The following SOX5 variants were observed in gnomAD, a reference collection of about 807,000 sequenced individuals.
The protein encoded by SOX5 is transcription factor SOX-5.
SOX5 carries 9 observed loss-of-function variants against 92.0 expected under a neutral mutation model. That is an observed-to-expected ratio of 0.10 (90% CI 0.06 to 0.17). The LOEUF (loss-of-function observed/expected upper bound fraction) is 0.17, where lower values mean the gene tolerates loss of function less well. Among genes scored for constraint, SOX5 ranks in the 10% least tolerant of loss-of-function variants. The pLI is 1.00. For synonymous variants in SOX5, 344 were observed against 336.3 expected (o/e 1.02, Z -0.25); for missense variants, 642 against 944.5 (o/e 0.68, Z 4.20).
chr12:23,990,620 ATCTCATC>A (rs1349141793), intron 4 of SOX5, among the ~76,000 whole-genome samples: 21 of 152,212 alleles, frequency 1.4e-4, no homozygotes, highest in Admixed American at 1.2e-3. Flanking sequence ...AAGAACCATC[ATCTCATC>A]ACTTCTAATT....
intron 10 of SOX5, among the ~76,000 whole-genome samples, chr12:23,564,925 C>A (rs1946811719): frequency 2.0e-5 from 3 of 152,166 alleles, no homozygotes; most frequent in Admixed American, 2.0e-4. Context: ...TGATGTAGTA[C>A]TTCAGTGCTG....
intron 3 of SOX5, among the ~76,000 whole-genome samples, chr12:24,250,461 A>G (rs1939799191): frequency 6.6e-6 from 1 of 152,220 alleles, no homozygotes; most frequent in African/African-American, 2.4e-5. Context: ...TTCCATTAAT[A>G]CCAGCAGGAG....
intron 4 of SOX5, among the ~76,000 whole-genome samples, chr12:24,036,565 G>A (rs534791642): frequency 1.3e-5 from 2 of 152,184 alleles, no homozygotes; most frequent in South Asian, 4.1e-4. Flanking sequence ...AGCTGTGTAC[G>A]AATTCAATAC....
chr12:24,412,109 A>C (rs1331041941), intron 1 of SOX5, among the ~76,000 whole-genome samples: 1 of 152,160 alleles, frequency 6.6e-6, no homozygotes, highest in African/African-American at 2.4e-5. Context: ...CAGAGTCTGC[A>C]GTGATACATC....
chr12:23,627,593 A>G (rs1221929240), intron 8 of SOX5, among the ~76,000 whole-genome samples: 1 of 152,118 alleles, frequency 6.6e-6, no homozygotes, highest in African/African-American at 2.4e-5. Context: ...CGTGTGTGCC[A>G]TGTCATTTAA....
intron 1 of SOX5, among the ~76,000 whole-genome samples, chr12:24,464,415 AGGGTTCACGCCGCCTCCC>A (rs749860767): frequency 5.3e-5 from 8 of 150,810 alleles, no homozygotes; most frequent in East Asian, 2.0e-4. Context: ...CTCCGCCTCC[AGGGTTCACGCCGCCTCCC>A]GGGTTCACGC....
intron 7 of SOX5, among the ~76,000 whole-genome samples, chr12:23,664,241 G>A (rs1593077885): frequency 6.6e-6 from 1 of 151,990 alleles, no homozygotes; most frequent in African/African-American, 2.4e-5. Flanking sequence ...GAACTGATGT[G>A]TAGTAATGTT....
At chr12:23,640,455 G>A (rs543789818) in intron 8 of SOX5, among the ~76,000 whole-genome samples, 12 of 152,236 alleles carry the variant, frequency 7.9e-5, no homozygotes, top group South Asian at 4.1e-4. Context: ...TTGTTAAGTC[G>A]CCTTGCTCCT....
chr12:24,125,418 T>G (rs977988114), intron 4 of SOX5, among the ~76,000 whole-genome samples: 2 of 152,196 alleles, frequency 1.3e-5, no homozygotes, highest in Admixed American at 1.3e-4. Flanking sequence ...AGTTATTCTG[T>G]CATTTAGCAA....
intron 3 of SOX5, among the ~76,000 whole-genome samples, chr12:23,774,437 C>A (rs985839093): frequency 6.6e-6 from 1 of 152,058 alleles, no homozygotes; most frequent in Non-Finnish European, 1.5e-5. Context: ...AAAAGACTGC[C>A]ATTGAAAAAT....
At chr12:24,317,812 T>C (rs1949840437) in intron 2 of SOX5, among the ~76,000 whole-genome samples, 1 of 152,206 alleles carries the variant, frequency 6.6e-6, no homozygotes, top group African/African-American at 2.4e-5. Context: ...TTGTTAACAC[T>C]CTCAATGCTT....
chr12:24,374,283 GTTGAGGGTGGCAGCGAGA>G (rs1957023080), intron 1 of SOX5, among the ~76,000 whole-genome samples: 1 of 152,166 alleles, frequency 6.6e-6, no homozygotes, highest in Non-Finnish European at 1.5e-5. Context: ...GGTGGCAGGA[GTTGAGGGTGGCAGCGAGA>G]GCACAGGACT....
intron 3 of SOX5, among the ~76,000 whole-genome samples, chr12:24,260,805 T>C (rs1007126831): frequency 1.3e-5 from 2 of 152,156 alleles, no homozygotes; most frequent in African/African-American, 2.4e-5. Flanking sequence ...CTTTTAGTCA[T>C]TGGAAAAAAA....
chr12:24,425,025 G>A (rs1045812327), intron 1 of SOX5, among the ~76,000 whole-genome samples: 1 of 152,054 alleles, frequency 6.6e-6, no homozygotes, highest in Admixed American at 6.6e-5. Context: ...AAATAGGGGG[G>A]AGAGAGACAG....
At chr12:23,598,621 G>A (rs1369248117) in intron 9 of SOX5, among the ~76,000 whole-genome samples, 3 of 151,754 alleles carry the variant, frequency 2.0e-5, no homozygotes, top group Admixed American at 6.6e-5. Flanking sequence ...GGAAGGTCTC[G>A]ATCTCCTGAC....
intron 4 of SOX5, among the ~76,000 whole-genome samples, chr12:24,062,777 G>T (rs970886650): frequency 6.6e-6 from 1 of 152,192 alleles, no homozygotes; most frequent in Non-Finnish European, 1.5e-5. Context: ...ACTGAACAGG[G>T]AATTATGAGA....
At chr12:23,550,150 T>A (rs188762291) in intron 11 of SOX5, among the ~76,000 whole-genome samples, 2 of 151,944 alleles carry the variant, frequency 1.3e-5, no homozygotes, top group Non-Finnish European at 2.9e-5. Context: ...TAAAGAGATA[T>A]GGACACTTTG....
At chr12:24,265,437 G>A (rs1942866796) in intron 3 of SOX5, among the ~76,000 whole-genome samples, 1 of 152,162 alleles carries the variant, frequency 6.6e-6, no homozygotes. Context: ...TTAGCTATTT[G>A]TGAGGCTGAG....
At chr12:24,108,492 T>C (rs1336725521) in intron 4 of SOX5, among the ~76,000 whole-genome samples, 1 of 152,150 alleles carries the variant, frequency 6.6e-6, no homozygotes, top group Non-Finnish European at 1.5e-5. Context: ...ACACACTACA[T>C]TGTTGACTTC....
Sources: gnomAD v4.1 joint callset for allele counts (sites outside exome capture counted in the v4.1 genomes callset) on GRCh38, gnomAD v4.1.1 for gene constraint, MANE v1.5 for transcripts, NCBI Gene and HGNC (gene_info 2026-07-23, HGNC 2026-07-21) for gene names.